RPA3: variants seen among roughly 807,000 people sequenced by gnomAD.
The protein encoded by RPA3 is replication protein A 14 kDa subunit.
Under a neutral mutation model 13.7 loss-of-function variants are expected in RPA3, and 24 were observed. The observed-to-expected ratio is 1.75, with a 90% CI of 1.27 to 2.46. RPA3 has a LOEUF of 2.46. Ranked by LOEUF, RPA3 falls within the 30% of genes most tolerant of loss-of-function variation. The pLI is 0.00. For synonymous variants in RPA3, 59 were observed against 51.2 expected, an observed-to-expected ratio of 1.15 and a Z score of -0.65; for missense variants, 183 against 151.0, an observed-to-expected ratio of 1.21 and a Z score of -1.11.
At chr7:7,666,457 C>G (rs1315561424) in intron 4 of RPA3, among the ~76,000 whole-genome samples, 1 of 152,020 alleles carries the variant, frequency 6.6e-6, no homozygotes, top group Non-Finnish European at 1.5e-5. Flanking sequence ...ATCTGCCTAC[C>G]TCAGCCTCCC....
Position 7,653,529 on chromosome 7 carries a change from A to G in RPA3, c.-757-12354T>C, listed in dbSNP as rs528788164. Reference sequence around the variant, plus strand: ...ACAAAAAAAACCTCTTGAAATTAAGATGTTTTCTGACTGAAGTGCATCACG... The same window carrying G: ...ACAAAAAAAACCTCTTGAAATTAAGGTGTTTTCTGACTGAAGTGCATCACG... On this transcript the variant is annotated intron_variant, in intron 4 of 7. Coordinates refer to ENST00000223129, the MANE Select transcript of RPA3 (RefSeq NM_002947.5). 3.9e-5 allele frequency among the ~76,000 whole-genome samples: 6 copies of G among 152,340 alleles called. No individual in the cohort carries two copies. The East Asian group carries it at 7.7e-4, about 20-fold the overall frequency.
chr7:7,664,095 A>G (rs138387973), intron 4 of RPA3, among the ~76,000 whole-genome samples: 9 of 152,326 alleles, frequency 5.9e-5, no homozygotes, highest in African/African-American at 1.9e-4. Context: ...ATTTCTTGCT[A>G]TTATTTAAAA....
intron 4 of RPA3, among the ~76,000 whole-genome samples, chr7:7,675,479 A>T (rs1252102745): frequency 6.6e-6 from 1 of 152,194 alleles, no homozygotes; most frequent in Admixed American, 6.5e-5. Flanking sequence ...CCCAGTTTCC[A>T]GGGCCTTCTG....
chr7:7,692,957 A>G (rs541060539), intron 2 of RPA3, among the ~76,000 whole-genome samples: 1 of 152,254 alleles, frequency 6.6e-6, no homozygotes, highest in East Asian at 1.9e-4. Context: ...TTTGTTATGT[A>G]TATTTTATGT....
At chr7:7,673,440 A>T (rs1317100678) in intron 4 of RPA3, 1 of 909,496 alleles carries the variant, frequency 1.1e-6, no homozygotes, top group East Asian at 2.6e-5. Context: ...AAGCAGATGG[A>T]TTCGTCCTTT....
At chr7:7,714,366 C>G (rs978270105) in intron 2 of RPA3, among the ~76,000 whole-genome samples, 1 of 152,106 alleles carries the variant, frequency 6.6e-6, no homozygotes, top group Non-Finnish European at 1.5e-5. Flanking sequence ...GCTGTTTGCT[C>G]CTAAATGTAT....
intron 2 of RPA3, among the ~76,000 whole-genome samples, chr7:7,711,027 T>G (rs1022576971): frequency 4.6e-5 from 7 of 152,020 alleles, no homozygotes; most frequent in Non-Finnish European, 7.4e-5. Flanking sequence ...TGGTCGCCGG[T>G]GGGTAAGGAT....
chr7:7,672,638 G>A (rs1003110799), intron 4 of RPA3, among the ~76,000 whole-genome samples: 2 of 152,164 alleles, frequency 1.3e-5, no homozygotes, highest in African/African-American at 4.8e-5. Context: ...GGTTTTATAA[G>A]GGGCTTGGCA....
chr7:7,718,232 C>G (rs1219336929), intron 1 of RPA3, among the ~76,000 whole-genome samples: 1 of 152,014 alleles, frequency 6.6e-6, no homozygotes, highest in Non-Finnish European at 1.5e-5. Context: ...ATTTTTATCC[C>G]CAAGGGTATT....
intron 4 of RPA3, among the ~76,000 whole-genome samples, chr7:7,670,359 A>T (rs1469237821): frequency 1.3e-5 from 2 of 152,218 alleles, no homozygotes; most frequent in Admixed American, 6.5e-5. Context: ...CTCTCTATAT[A>T]TACAAAAGTT....
Position 7,687,653 on chromosome 7 carries a change from A to G in RPA3, c.-1027-325T>C, listed in dbSNP as rs150805963. ...ACATTATTAAAGAGAATTGCTGCCAAACTCTGGTTGTCAGTTAAATTTGAA... is the reference window on the plus strand; with the variant it reads ...ACATTATTAAAGAGAATTGCTGCCAGACTCTGGTTGTCAGTTAAATTTGAA... On this transcript the variant is annotated intron_variant, in intron 2 of 7. Coordinates refer to ENST00000223129, the MANE Select transcript of RPA3 (RefSeq NM_002947.5). Among the ~76,000 whole-genome samples the G allele has an allele frequency of 7.5e-3, 1,146 of 152,324 alleles. 9 individuals carry two copies. The highest frequency in any genetic ancestry group is 0.028 in the South Asian group (134 of 4,824).
chr7:7,637,746 T>C (rs1784888493), intron 7 of RPA3, 118 bp downstream of exon 7: 1 of 507,718 alleles, frequency 2.0e-6, no homozygotes, highest in Non-Finnish European at 3.5e-6. Context: ...TAAAACTGTA[T>C]GTTATGTAAT....
chr7:7,706,816 A>G (rs187066013), intron 2 of RPA3, among the ~76,000 whole-genome samples: 114 of 152,222 alleles, frequency 7.5e-4, no homozygotes, highest in African/African-American at 2.6e-3. Flanking sequence ...TCTACATCCT[A>G]TCTGTTGGTT....
At position 7,671,523 on chromosome 7, in the gene RPA3, T is replaced by C. The variant is rs146424556; in HGVS notation, c.-758+14307A>G. Among the ~76,000 whole-genome samples, 196 of 152,362 alleles carry C rather than the reference T, an allele frequency of 1.3e-3. 1 individual carries two copies. The Middle Eastern group carries it at 0.014, about 11-fold the overall frequency. ...TGTTCCTTAAAGGCCTTCTCAGTTT[T>C]GTTTTTAACTGTTCGAGGTTGAAAA... is the stretch of plus-strand genomic sequence containing the variant. On this transcript the variant is annotated intron_variant, in intron 4 of 7. Transcript: ENST00000223129.
chr7:7,649,008 A>G (rs370174333), intron 4 of RPA3, among the ~76,000 whole-genome samples: 10 of 152,136 alleles, frequency 6.6e-5, no homozygotes, highest in African/African-American at 1.9e-4. Context: ...AAGTACAAAA[A>G]TTAGCCAGGC....
intron 4 of RPA3, among the ~76,000 whole-genome samples, chr7:7,660,589 G>C (rs1362538593): frequency 6.6e-6 from 1 of 152,192 alleles, no homozygotes; most frequent in Non-Finnish European, 1.5e-5. Context: ...ATGAAATTCT[G>C]TGTTGAAACT....
At position 7,645,817 on chromosome 7, in the gene RPA3, A is replaced by ATTT. The variant is rs34158584; in HGVS notation, c.-757-4645_-757-4643dup. Among the ~76,000 whole-genome samples, 449 of 145,494 alleles carry ATTT rather than the reference A, an allele frequency of 3.1e-3. 1 individual carries two copies. Among genetic ancestry groups the ATTT allele is most frequent in the African/African-American group, 9.6e-3 (381 of 39,836 alleles). ...TGATTTGCTGTTGTTTTTGTTTAGG[A>ATTT]TTTTTTTTTTTTTAATCTATGTTCA... On this transcript the variant is annotated intron_variant, in intron 4 of 7. Coordinates refer to ENST00000223129, the MANE Select transcript of RPA3 (RefSeq NM_002947.5).
intron 4 of RPA3, among the ~76,000 whole-genome samples, chr7:7,679,854 T>C (rs1042974069): frequency 6.6e-6 from 1 of 151,542 alleles, no homozygotes; most frequent in African/African-American, 2.4e-5. Flanking sequence ...CGTGAGCTGC[T>C]ATGCCTGGCC....
intron 4 of RPA3, among the ~76,000 whole-genome samples, chr7:7,674,962 C>G (rs1779702174): frequency 1.3e-5 from 2 of 151,980 alleles, no homozygotes; most frequent in Admixed American, 1.3e-4. Flanking sequence ...GAAGTCTTAA[C>G]ACATATACAG....
Sources: allele counts gnomAD v4.1 joint callset (sites outside exome capture counted in the v4.1 genomes callset), GRCh38; gene constraint gnomAD v4.1.1; transcripts MANE v1.5; gene names NCBI Gene and HGNC (gene_info 2026-07-23, HGNC 2026-07-21).